Variants in PPM1E observed in about 807,000 individuals in gnomAD.
The protein encoded by PPM1E is protein phosphatase, Mg2+/Mn2+ dependent 1E.
PPM1E carries 20 observed loss-of-function variants against 65.9 expected under a neutral mutation model. The observed-to-expected ratio is 0.30, with a 90% CI of 0.21 to 0.44. The LOEUF (loss-of-function observed/expected upper bound fraction) is 0.44. Ranked by LOEUF, PPM1E falls within the 20% of genes least tolerant of loss-of-function variation. The pLI is 1.00. For synonymous variants in PPM1E, 352 were observed against 374.9 expected (o/e 0.94, Z 0.70); for missense variants, 713 against 953.1 (o/e 0.75, Z 3.32).
At chr17:58,766,720 A>G (rs2049883628) in intron 1 of PPM1E, among the ~76,000 whole-genome samples, 1 of 152,132 alleles carries the variant, frequency 6.6e-6, no homozygotes, top group African/African-American at 2.4e-5. Context: ...GTTATTACAT[A>G]AATATGAGAT....
chr17:58,856,498 A>G (rs2050884080), intron 1 of PPM1E, among the ~76,000 whole-genome samples: 1 of 152,174 alleles, frequency 6.6e-6, no homozygotes, highest in Non-Finnish European at 1.5e-5. Context: ...CAATTAAGAG[A>G]AAATGCACTA....
At chr17:58,842,495 C>T (rs2050729679) in intron 1 of PPM1E, among the ~76,000 whole-genome samples, 2 of 152,144 alleles carry the variant, frequency 1.3e-5, no homozygotes, top group South Asian at 2.1e-4. Context: ...GCTACACTAT[C>T]TACTCAATTT....
intron 1 of PPM1E, among the ~76,000 whole-genome samples, chr17:58,864,269 T>G (rs1246254008): frequency 1.3e-5 from 2 of 152,204 alleles, no homozygotes; most frequent in African/African-American, 2.4e-5. Flanking sequence ...AAGTTCTAAC[T>G]AATGCTATTA....
intron 1 of PPM1E, among the ~76,000 whole-genome samples, chr17:58,775,628 G>C (rs936216956): frequency 6.6e-6 from 1 of 151,990 alleles, no homozygotes; most frequent in Non-Finnish European, 1.5e-5. Context: ...CTTAAGAATA[G>C]TTGGGGCCGG....
intron 1 of PPM1E, among the ~76,000 whole-genome samples, chr17:58,757,144 GA>G (rs1370238556): frequency 1.3e-5 from 2 of 152,208 alleles, no homozygotes; most frequent in Non-Finnish European, 2.9e-5. Context: ...AGGGAAGTGG[GA>G]AGGAATTGAG....
At chr17:58,928,081 C>A (rs2051847105) in intron 1 of PPM1E, among the ~76,000 whole-genome samples, 1 of 151,048 alleles carries the variant, frequency 6.6e-6, no homozygotes, top group South Asian at 2.1e-4. Context: ...AAAAAATTAA[C>A]CAGGCATGGT....
chr17:58,921,326 A>G (rs545416286), intron 1 of PPM1E, among the ~76,000 whole-genome samples: 1 of 152,304 alleles, frequency 6.6e-6, no homozygotes, highest in South Asian at 2.1e-4. Context: ...GGAAATGACT[A>G]GTAGAGAGGG....
At chr17:58,923,787 C>T (rs2051786233) in intron 1 of PPM1E, among the ~76,000 whole-genome samples, 1 of 150,452 alleles carries the variant, frequency 6.6e-6, no homozygotes, top group African/African-American at 2.4e-5. Context: ...TGGTGGCTTG[C>T]ACCATAATCC....
chr17:58,867,844 G>A (rs2051022933), intron 1 of PPM1E, among the ~76,000 whole-genome samples: 2 of 152,114 alleles, frequency 1.3e-5, no homozygotes, highest in Non-Finnish European at 2.9e-5. Context: ...ATGCATGGGG[G>A]CTGAGGGAAC....
At chr17:58,881,891 G>A (rs369521228) in intron 1 of PPM1E, among the ~76,000 whole-genome samples, 9 of 151,328 alleles carry the variant, frequency 5.9e-5, no homozygotes, top group African/African-American at 2.2e-4. Context: ...AGGCATGGTG[G>A]CTCATGCTTG....
At chr17:58,920,480 G>A (rs1350587193) in intron 1 of PPM1E, among the ~76,000 whole-genome samples, 4 of 152,072 alleles carry the variant, frequency 2.6e-5, no homozygotes, top group Non-Finnish European at 5.9e-5. Flanking sequence ...TGTAGTATAT[G>A]GACTTCAACA....
chr17:58,763,758 T>G (rs189223961), intron 1 of PPM1E, among the ~76,000 whole-genome samples: 4 of 152,294 alleles, frequency 2.6e-5, no homozygotes, highest in Non-Finnish European at 5.9e-5. Flanking sequence ...CCGTGAAGCT[T>G]GTATTTTAAC....
intron 1 of PPM1E, among the ~76,000 whole-genome samples, chr17:58,805,984 A>C (rs1259759041): frequency 8.0e-5 from 8 of 100,312 alleles, no homozygotes; most frequent in African/African-American, 1.3e-4. Context: ...CAAAAAAAAA[A>C]CAAAACAAAA....
At chr17:58,949,901 T>C (rs2052213014) in intron 1 of PPM1E, among the ~76,000 whole-genome samples, 1 of 152,208 alleles carries the variant, frequency 6.6e-6, no homozygotes, top group African/African-American at 2.4e-5. Flanking sequence ...CTAGCTGAGT[T>C]TTTTTTCTTT....
chr17:58,817,431 A>C (rs1043009754), intron 1 of PPM1E, among the ~76,000 whole-genome samples: 3 of 152,158 alleles, frequency 2.0e-5, no homozygotes, highest in Non-Finnish European at 4.4e-5. Flanking sequence ...TTACTGTTTC[A>C]TTTTAAAATA....
intron 1 of PPM1E, among the ~76,000 whole-genome samples, chr17:58,846,558 A>G (rs1348927579): frequency 6.6e-6 from 1 of 152,124 alleles, no homozygotes; most frequent in Non-Finnish European, 1.5e-5. Context: ...GCTCAGAATG[A>G]TGGTTTCCAG....
chr17:58,958,269 G>A (rs1392864989), intron 2 of PPM1E, among the ~76,000 whole-genome samples: 1 of 151,608 alleles, frequency 6.6e-6, no homozygotes, highest in Non-Finnish European at 1.5e-5. Flanking sequence ...GGAGGGCTGT[G>A]GGATGATCAC....
chr17:58,807,423 A>C (rs1203767595), intron 1 of PPM1E, among the ~76,000 whole-genome samples: 1 of 152,056 alleles, frequency 6.6e-6, no homozygotes, highest in Non-Finnish European at 1.5e-5. Flanking sequence ...GTTATACTTA[A>C]GTAGCAGTTA....
rs530513805 is a variant in PPM1E, at chr17:58,840,001, A to G, written c.464+83540A>G. Among the ~76,000 whole-genome samples the G allele has an allele frequency of 9.2e-5, 14 of 152,326 alleles. No homozygotes were observed. In the East Asian group the frequency reaches 2.7e-3, roughly 29 times the overall value. ...GTTGAATAATTCCCTAGAGGTACTC[A>G]CAGAACTCACTGAAAGCTGCTATAT... On this transcript the variant is annotated intron_variant, in intron 1 of 6. Transcript: ENST00000308249.
Sources: allele counts gnomAD v4.1 joint callset (sites outside exome capture counted in the v4.1 genomes callset), GRCh38; gene constraint gnomAD v4.1.1; transcripts MANE v1.5; gene names NCBI Gene and HGNC (gene_info 2026-07-23, HGNC 2026-07-21).